The following FAR2 variants were observed in gnomAD, a reference collection of about 807,000 sequenced individuals.
FAR2 encodes fatty acyl-CoA reductase 2, also known as epididymis secretory protein Li 81.
FAR2 carries 19 observed loss-of-function variants against 56.0 expected under a neutral mutation model. The observed-to-expected ratio is 0.34, with a 90% CI of 0.24 to 0.50. FAR2 has a LOEUF of 0.50. Ranked by LOEUF, FAR2 falls within the 20% of genes least tolerant of loss-of-function variation. The pLI is 0.98. For missense variants in FAR2, 508 were observed against 642.2 expected (o/e 0.79, Z 2.26); for synonymous variants, 219 against 218.8 (o/e 1.00, Z -0.01).
At chr12:29,151,201 T>C (rs1449569785) in intron 1 of FAR2, among the ~76,000 whole-genome samples, 1 of 152,214 alleles carries the variant, frequency 6.6e-6, no homozygotes, top group Non-Finnish European at 1.5e-5. Flanking sequence ...TTCACAAATA[T>C]AGCCTTGTGA....
At chr12:29,321,154 T>A (rs977814776) in intron 9 of FAR2, among the ~76,000 whole-genome samples, 11 of 151,772 alleles carry the variant, frequency 7.2e-5, no homozygotes, top group African/African-American at 2.7e-4. Context: ...ACTAATACAG[T>A]CAACACTTCT....
At chr12:29,174,423 C>CTTTTTTTTTTTTTTTTTTTTT (rs55827253) in intron 1 of FAR2, among the ~76,000 whole-genome samples, 1 of 55,422 alleles carries the variant, frequency 1.8e-5, no homozygotes, top group Non-Finnish European at 2.9e-5. Context: ...GGTTTTTATT[C>CTTTTTTTTTTTTTTTTTTTTT]TTTTTTTTTT....
chr12:29,157,752 TC>T (rs1949742769), intron 1 of FAR2, among the ~76,000 whole-genome samples: 1 of 152,202 alleles, frequency 6.6e-6, no homozygotes, highest in African/African-American at 2.4e-5. Flanking sequence ...ATCCCAGGTA[TC>T]CTTGAAAGCA....
At chr12:29,279,214 G>C (rs1948748244) in intron 2 of FAR2, among the ~76,000 whole-genome samples, 1 of 152,170 alleles carries the variant, frequency 6.6e-6, no homozygotes. Flanking sequence ...GTATGTTTAT[G>C]AATCATCTTT....
intron 1 of FAR2, among the ~76,000 whole-genome samples, chr12:29,239,209 C>A (rs914863784): frequency 6.6e-6 from 1 of 152,058 alleles, no homozygotes; most frequent in Admixed American, 6.6e-5. Flanking sequence ...GGATTACACA[C>A]GGAGTGAGTC....
At chr12:29,270,777 A>G (rs1948605140) in intron 2 of FAR2, 139 bp downstream of exon 2, 1 of 646,568 alleles carries the variant, frequency 1.5e-6, no homozygotes, top group Admixed American at 3.8e-5. Context: ...AAAACAAGAC[A>G]GCAACAAGCT....
At chr12:29,325,675 A>G (rs1375626881) in intron 10 of FAR2, among the ~76,000 whole-genome samples, 3 of 152,232 alleles carry the variant, frequency 2.0e-5, no homozygotes, top group Non-Finnish European at 4.4e-5. Context: ...AAATGAAGGC[A>G]GAAATAAAGA....
chr12:29,253,213 A>ATATCGATATC (rs1565489271), intron 1 of FAR2, among the ~76,000 whole-genome samples: 2 of 82,452 alleles, frequency 2.4e-5, no homozygotes, highest in Non-Finnish European at 5.0e-5. Flanking sequence ...ATAGGTATCT[A>ATATCGATATC]TATATCGATA....
At chr12:29,204,005 A>G (rs1489637553) in intron 1 of FAR2, among the ~76,000 whole-genome samples, 29 of 147,038 alleles carry the variant, frequency 2.0e-4, no homozygotes, top group African/African-American at 6.7e-4. Flanking sequence ...ATCTCAAAAA[A>G]AAAAAAAAAA....
At chr12:29,241,859 T>C (rs1209286846) in intron 1 of FAR2, among the ~76,000 whole-genome samples, 5 of 152,214 alleles carry the variant, frequency 3.3e-5, no homozygotes, top group Non-Finnish European at 7.3e-5. Flanking sequence ...CCAGAGAGAA[T>C]TGCTGATGGG....
intron 11 of FAR2, chr12:29,333,071 A>T (rs999693185): frequency 2.8e-6 from 1 of 361,746 alleles, no homozygotes; most frequent in African/African-American, 2.1e-5. Flanking sequence ...TAAATACCCA[A>T]CAGGCAGGAG....
chr12:29,158,772 A>G (rs769704210), intron 1 of FAR2, among the ~76,000 whole-genome samples: 8 of 152,370 alleles, frequency 5.3e-5, no homozygotes, highest in Non-Finnish European at 7.3e-5. Flanking sequence ...GTATATTCAC[A>G]CTGGAAATTG....
intron 2 of FAR2, chr12:29,292,371 A>G (rs1473894078): frequency 1.3e-5 from 2 of 152,346 alleles, no homozygotes; most frequent in Admixed American, 1.3e-4. Context: ...TGTAGACTCA[A>G]AAAGAGTCTT....
At chr12:29,306,818 G>A (rs766834070) in intron 4 of FAR2, among the ~76,000 whole-genome samples, 1 of 152,122 alleles carries the variant, frequency 6.6e-6, no homozygotes, top group Non-Finnish European at 1.5e-5. Context: ...GTCAATAATC[G>A]TGATTTTGAA....
rs537055291 is a variant in FAR2 at position 29,260,596 on chromosome 12, C to A, written c.-38-9816C>A. Reference sequence around the variant, plus strand: ...GCTGTGACAGCTGTGGGGACAGACTCCTTCTGCTTGAGGACAGGGGAGTGA... The same window carrying A: ...GCTGTGACAGCTGTGGGGACAGACTACTTCTGCTTGAGGACAGGGGAGTGA... On this transcript the variant is annotated intron_variant, in intron 1 of 11. Transcript: ENST00000536681. Among the ~76,000 whole-genome samples the A allele has an allele frequency of 3.0e-4, 46 of 152,204 alleles. No homozygotes were observed. In the South Asian group the frequency reaches 8.7e-3, roughly 29 times the overall value.
At chr12:29,269,683 C>G (rs972915635) in intron 1 of FAR2, among the ~76,000 whole-genome samples, 4 of 152,182 alleles carry the variant, frequency 2.6e-5, no homozygotes, top group Non-Finnish European at 5.9e-5. Context: ...TAATAAATGT[C>G]TATGAAATCT....
chr12:29,198,992 T>A (rs1440748727), intron 1 of FAR2, among the ~76,000 whole-genome samples: 1 of 152,188 alleles, frequency 6.6e-6, no homozygotes, highest in Non-Finnish European at 1.5e-5. Context: ...CTGTTCTCAA[T>A]GTACTTAAAG....
At chr12:29,219,649 C>G (rs1947662957) in intron 1 of FAR2, among the ~76,000 whole-genome samples, 1 of 151,958 alleles carries the variant, frequency 6.6e-6, no homozygotes, top group Non-Finnish European at 1.5e-5. Flanking sequence ...GAGAAGGAAC[C>G]ATTGAAATTT....
chr12:29,313,755 T>C (rs1949394198), intron 8 of FAR2, among the ~76,000 whole-genome samples: 1 of 151,048 alleles, frequency 6.6e-6, no homozygotes, highest in South Asian at 2.1e-4. Context: ...ATGTTTCTCT[T>C]TTAATTCATA....
Sources: gnomAD v4.1 joint callset for allele counts (sites outside exome capture counted in the v4.1 genomes callset) on GRCh38, gnomAD v4.1.1 for gene constraint, MANE v1.5 for transcripts, NCBI Gene and HGNC (gene_info 2026-07-23, HGNC 2026-07-21) for gene names.